TTC3: variants seen among roughly 807,000 people sequenced by gnomAD.
TTC3 encodes E3 ubiquitin-protein ligase TTC3.
In TTC3, 180 loss-of-function variants were observed where a neutral mutation model predicts 249.6. The observed-to-expected ratio is 0.72, with a 90% CI of 0.64 to 0.82. TTC3 has a LOEUF of 0.82. TTC3 is among the 40% of genes least tolerant of loss of function. TTC3 has a pLI of 0.00. For missense variants in TTC3, 2,061 were observed against 2,398.4 expected (o/e 0.86, Z 2.94); for synonymous variants, 717 against 805.0 (o/e 0.89, Z 1.85).
chr21:37,143,705 A>C (rs984426199), intron 20 of TTC3, among the ~76,000 whole-genome samples: 3 of 150,934 alleles, frequency 2.0e-5, no homozygotes, highest in African/African-American at 7.3e-5. Context: ...GGGATCTCGA[A>C]CTAGAAATAC....
intron 21 of TTC3, among the ~76,000 whole-genome samples, chr21:37,146,755 C>T (rs576601182): frequency 6.6e-6 from 1 of 152,258 alleles, no homozygotes; most frequent in Admixed American, 6.5e-5. Flanking sequence ...TGAAAATGTT[C>T]TAAATTTAGA....
intron 35 of TTC3, 51 bp downstream of exon 35, chr21:37,172,795 A>G (rs765436030): frequency 6.2e-7 from 1 of 1,600,896 alleles, no homozygotes; most frequent in Non-Finnish European, 8.5e-7. Flanking sequence ...AGTTAGGAGA[A>G]TGTGAGTGTA....
intron 1 of TTC3, 40 bp downstream of exon 1, chr21:37,073,513 T>C: frequency 4.1e-6 from 4 of 974,588 alleles, no homozygotes; most frequent in Non-Finnish European, 4.8e-6. Context: ...CGTCCCTCGC[T>C]GAGGTGCCTA....
intron 15 of TTC3, among the ~76,000 whole-genome samples, chr21:37,126,559 T>C (rs948305518): frequency 6.6e-6 from 1 of 152,210 alleles, no homozygotes; most frequent in African/African-American, 2.4e-5. Flanking sequence ...ATCTGCGCTT[T>C]ATGTATAAAA....
intron 10 of TTC3, 50 bp from the exon 11 acceptor site, chr21:37,108,342 C>G (rs1256606805): frequency 6.7e-7 from 1 of 1,500,088 alleles, no homozygotes; most frequent in African/African-American, 1.4e-5. Context: ...AGATATAATA[C>G]TTTTACTATA....
chr21:37,105,332 A>G (rs2074973136), intron 10 of TTC3, among the ~76,000 whole-genome samples: 1 of 152,180 alleles, frequency 6.6e-6, no homozygotes, highest in Non-Finnish European at 1.5e-5. Flanking sequence ...ACCTTATTCA[A>G]GAGTTCCAGA....
chr21:37,137,042 C>T (rs1390994567), intron 18 of TTC3, among the ~76,000 whole-genome samples: 1 of 152,146 alleles, frequency 6.6e-6, no homozygotes, highest in Non-Finnish European at 1.5e-5. Flanking sequence ...TACTTTAAGC[C>T]CACTGTTGAG....
rs143837402 is a variant in TTC3 at position 37,122,985 on chromosome 21, C to T, written c.1066C>T (p.Arg356Ter). 144 of 1,613,406 alleles carry T rather than the reference C, an allele frequency of 8.9e-5. No individual in the cohort carries two copies. The highest frequency in any genetic ancestry group is 1.1e-4 in the Non-Finnish European group (132 of 1,179,792). The change falls in exon 13 of 46, where the codon CGA (arginine) becomes TGA (stop). Residue 356 changes from arginine to a stop codon, truncating the protein, a stop_gained and splice_region_variant. Coordinates refer to ENST00000355666, the Ensembl canonical transcript of TTC3. LOFTEE classifies it high-confidence loss of function. The stretch of plus-strand genomic sequence containing the variant: ...TGTGTGTGTGATGACTTTTATAGGT[C>T]GAACAGCAAATAAGGATCCAATTAA...
chr21:37,122,519 C>G (rs1222337624), intron 12 of TTC3, among the ~76,000 whole-genome samples: 1 of 149,762 alleles, frequency 6.7e-6, no homozygotes, highest in Non-Finnish European at 1.5e-5. Context: ...TCATTCTCTC[C>G]TTGTTTTCTC....
chr21:37,087,379 C>A, exon 2 of TTC3: 1 of 1,613,926 alleles, frequency 6.2e-7, no homozygotes, highest in Non-Finnish European at 8.5e-7. Flanking sequence ...GTTCGTGTGA[C>A]TCAGCTTTAC....
At position 37,195,952 on chromosome 21, in the gene TTC3, G is replaced by A. The variant is rs1304356285; in HGVS notation, c.5495G>A (p.Arg1832His). The stretch of plus-strand genomic sequence containing the variant: ...CGGAAGCAGCCTGTTCCTCCAGGAC[G>A]TGCTGCGCGTTCAAGCCAGTCTCCA... Residue 1832 changes from arginine to histidine, a missense_variant, in exon 42 of 46, where the codon CGT becomes CAT. Physicochemically the swap from Arg to His is conservative, Grantham distance 29 (BLOSUM62 0). Around this residue, in one of 3 missense-constraint regions of TTC3, gnomAD observed 1,040 missense variants for 1,186.1 expected, o/e 0.88. Transcript: ENST00000355666. 8.7e-6 allele frequency: 14 copies of A among 1,614,090 alleles called. 1 individual carries two copies. The Middle Eastern group carries it at 8.2e-4, about 95-fold the overall frequency.
chr21:37,090,396 A>G (rs1475188388), intron 6 of TTC3, 110 bp downstream of exon 6: 1 of 1,068,748 alleles, frequency 9.4e-7, no homozygotes, highest in African/African-American at 1.6e-5. Context: ...TATATGTGGT[A>G]TTTGGTAGTA....
At chr21:37,163,778 T>A (rs866939657) in intron 31 of TTC3, among the ~76,000 whole-genome samples, 40 of 152,354 alleles carry the variant, frequency 2.6e-4, no homozygotes, top group Admixed American at 5.2e-4. Context: ...CAACTTTTTT[T>A]AAAAATATGG....
At chr21:37,179,875 C>G (rs916508682) in intron 35 of TTC3, among the ~76,000 whole-genome samples, 3 of 152,220 alleles carry the variant, frequency 2.0e-5, no homozygotes, top group Admixed American at 6.5e-5. Context: ...AAATGTTTAT[C>G]AAACAGTGTG....
chr21:37,126,998 G>C (rs2077089506), intron 15 of TTC3, among the ~76,000 whole-genome samples: 1 of 152,152 alleles, frequency 6.6e-6, no homozygotes. Flanking sequence ...GGGATTACAG[G>C]CATGCACTAC....
chr21:37,121,856 GA>G lies in TTC3; in HGVS notation c.942del (p.Glu314AspfsTer10). On this transcript the variant is annotated frameshift_variant, in exon 12 of 46. Coordinates refer to ENST00000355666, the Ensembl canonical transcript of TTC3. LOFTEE classifies it high-confidence loss of function. ...TTGTGATGCTCTTTCTATGCTGGGG[GA>G]ATATGACTGGGCCCTGCAAGCAAAC... The G allele has an allele frequency of 1.2e-6, 2 of 1,609,614 alleles. No individual in the cohort carries two copies. Among genetic ancestry groups the G allele is most frequent in the Non-Finnish European group, 1.7e-6 (2 of 1,178,300 alleles).
intron 40 of TTC3, 24 bp downstream of exon 40, chr21:37,191,448 C>A: frequency 6.9e-7 from 1 of 1,459,058 alleles, no homozygotes; most frequent in Non-Finnish European, 9.3e-7. Flanking sequence ...ATCTTTTAAT[C>A]CCATCAAAAT....
At chr21:37,188,907 C>T (rs1411564861) in intron 39 of TTC3, among the ~76,000 whole-genome samples, 1 of 152,032 alleles carries the variant, frequency 6.6e-6, no homozygotes, top group Non-Finnish European at 1.5e-5. Context: ...ATATCTCCAA[C>T]CTAATTTTGA....
At chr21:37,085,235 T>A (rs2072291780) in intron 1 of TTC3, among the ~76,000 whole-genome samples, 1 of 152,210 alleles carries the variant, frequency 6.6e-6, no homozygotes, top group Non-Finnish European at 1.5e-5. Flanking sequence ...CAAGTGAGAT[T>A]AGCATATACC....
Sources: allele counts gnomAD v4.1 joint callset (sites outside exome capture counted in the v4.1 genomes callset), GRCh38; gene constraint gnomAD v4.1.1; regional missense constraint gnomAD v4.1.1; transcripts MANE v1.5; gene names NCBI Gene and HGNC (gene_info 2026-07-23, HGNC 2026-07-21).